The following PIEZO2 variants were observed in gnomAD, a reference collection of about 807,000 sequenced individuals.
The protein encoded by PIEZO2 is piezo-type mechanosensitive ion channel component 2.
A neutral mutation model predicts 337.3 loss-of-function variants in PIEZO2; 172 were observed. That is an observed-to-expected ratio of 0.51 (90% CI 0.45 to 0.58). PIEZO2 has a LOEUF of 0.58. Among genes scored for constraint, PIEZO2 ranks in the 20% least tolerant of loss-of-function variants. PIEZO2 has a pLI of 0.00. For synonymous variants in PIEZO2, 1,251 were observed against 1,228.5 expected, an observed-to-expected ratio of 1.02 and a Z score of -0.38; for missense variants, 3,028 against 3,391.3, an observed-to-expected ratio of 0.89 and a Z score of 2.66.
At position 10,771,657 on chromosome 18, in the gene PIEZO2, G is replaced by A. The variant is rs138481403; in HGVS notation, c.2786-1349C>T. ...TTACAGTAGTTCTCTTTTATCCATG[G>A]CTATGCTTCCCAAGATTTCAGTTAC... is the stretch of plus-strand genomic sequence containing the variant. On this transcript the variant is annotated intron_variant, in intron 20 of 55. Coordinates refer to ENST00000674853, the MANE Select transcript of PIEZO2 (RefSeq NM_001378183.1). Among the ~76,000 whole-genome samples, 597 of 152,284 alleles carry A rather than the reference G, an allele frequency of 3.9e-3. 3 individuals carry two copies. Among genetic ancestry groups the A allele is most frequent in the Admixed American group, 7.3e-3 (111 of 15,294 alleles).
rs2033747234 is a variant in PIEZO2, at chr18:10,671,029, C to G, written c.*498G>C. 1 of 153,032 alleles carries G rather than the reference C, an allele frequency of 6.5e-6. No homozygotes were observed. Among genetic ancestry groups the G allele is most frequent in the Non-Finnish European group, 1.5e-5 (1 of 68,402 alleles). The allele number at this position is 153,032 out of a possible 1,614,324, so 9.5% of individuals were successfully genotyped here. A position where few individuals can be genotyped will look rare whatever the true frequency, so the allele number is the denominator to read the frequency against. The stretch of plus-strand genomic sequence containing the variant: ...GTTCCCTCTCTTTTGCTCCTAGAAA[C>G]ACAGGTAGGAGCTGTCTGCCCCCTA... On this transcript the variant is annotated 3_prime_UTR_variant, in exon 56 of 56. Coordinates refer to ENST00000674853, the MANE Select transcript of PIEZO2 (RefSeq NM_001378183.1).
At chr18:10,674,737 A>T (rs1567934626) in intron 54 of PIEZO2, among the ~76,000 whole-genome samples, 1 of 152,278 alleles carries the variant, frequency 6.6e-6, no homozygotes, top group East Asian at 1.9e-4. Context: ...TAGAATCCAG[A>T]AACATGAATT....
In PIEZO2 at chr18:10,886,487, C is replaced by CATATATATATATAATGTGTAT; in HGVS notation, c.330-15073_330-15072insATACACATTATATATATATAT. ...TTTGGGTGGGGACAAATATCCAAAC[C>CATATATATATATAATGTGTAT]ATATATATATACGCATATACACATT... On this transcript the variant is annotated intron_variant, in intron 4 of 55. Coordinates refer to ENST00000674853, the MANE Select transcript of PIEZO2 (RefSeq NM_001378183.1). Among the ~76,000 whole-genome samples the CATATATATATATAATGTGTAT allele has an allele frequency of 4.1e-4, 19 of 45,882 alleles. 1 individual carries two copies. Among genetic ancestry groups the CATATATATATATAATGTGTAT allele is most frequent in the African/African-American group, 2.5e-3 (17 of 6,938 alleles). The allele number at this position is 45,882 out of a possible 152,430, so 30.1% of individuals were successfully genotyped here. A position where few individuals can be genotyped will look rare whatever the true frequency, so the allele number is the denominator to read the frequency against.
intron 1 of PIEZO2, among the ~76,000 whole-genome samples, chr18:11,106,513 TCCTCCCG>T (rs1351883712): frequency 6.6e-6 from 1 of 150,676 alleles, no homozygotes; most frequent in Non-Finnish European, 1.5e-5. Context: ...GCTCGGGTGA[TCCTCCCG>T]CCTCAGCCTC....
Position 10,979,871 on chromosome 18 carries a change from T to G in PIEZO2, c.161-211A>C, listed in dbSNP as rs1026913624. On this transcript the variant is annotated intron_variant, in intron 2 of 55. Transcript: ENST00000674853. The surrounding 1 kb of genome is among the most constrained non-coding windows in gnomAD (Gnocchi z 4.0). ...TATTTGGGTTTATATTTATTAAAAA[T>G]TCACTGTAAAAGAAGGATAATTTCC... Among the ~76,000 whole-genome samples, 1 of 152,298 alleles carries G rather than the reference T, an allele frequency of 6.6e-6. No individual in the cohort carries two copies. Among genetic ancestry groups the G allele is most frequent in the South Asian group, 2.1e-4 (1 of 4,820 alleles).
intron 3 of PIEZO2, among the ~76,000 whole-genome samples, chr18:10,923,804 A>C (rs2031563704): frequency 8.3e-6 from 1 of 120,546 alleles, no homozygotes; most frequent in South Asian, 3.5e-4. Context: ...CAATGATTCA[A>C]CTCTTGCAGC....
rs2040602318 is a variant in PIEZO2, at chr18:10,824,203, T to C, written c.918-16929A>G. ...TAAACCACAGACTACTCTAGAAATC[T>C]GGGGCTAGGGAATAATTTACGAGAG... On this transcript the variant is annotated intron_variant, in intron 7 of 55. Coordinates refer to ENST00000674853, the MANE Select transcript of PIEZO2 (RefSeq NM_001378183.1). This position sits in a 1 kb window ranked among gnomAD's most constrained non-coding sequence, Gnocchi z 4.4. Among the ~76,000 whole-genome samples the C allele has an allele frequency of 1.3e-5, 2 of 152,182 alleles. No homozygotes were observed. Among genetic ancestry groups the C allele is most frequent in the Admixed American group, 1.3e-4 (2 of 15,264 alleles).
At chr18:11,005,872 C>G (rs1283430674) in intron 2 of PIEZO2, among the ~76,000 whole-genome samples, 1 of 152,232 alleles carries the variant, frequency 6.6e-6, no homozygotes, top group Non-Finnish European at 1.5e-5. Context: ...ACGCAAAGAG[C>G]AGTGACTCAT....
chr18:10,750,571 T>C lies in PIEZO2; in HGVS notation c.4168-384A>G, dbSNP rs1210402167. On this transcript the variant is annotated intron_variant, in intron 28 of 55. Coordinates refer to ENST00000674853, the MANE Select transcript of PIEZO2 (RefSeq NM_001378183.1). The surrounding 1 kb of genome is among the most constrained non-coding windows in gnomAD (Gnocchi z 4.1). ...TTACAAGCCAGACACATATAACCTA[T>C]GCTCTTCCCTGGAGGTCATCCCAGA... Among the ~76,000 whole-genome samples, 1 of 152,208 alleles carries C rather than the reference T, an allele frequency of 6.6e-6. No individual in the cohort carries two copies. The highest frequency in any genetic ancestry group is 6.5e-5 in the Admixed American group (1 of 15,278).
intron 37 of PIEZO2, 44 bp from the exon 38 acceptor site, chr18:10,715,860 C>T: frequency 7.0e-7 from 1 of 1,425,034 alleles, no homozygotes; most frequent in Non-Finnish European, 9.4e-7. Context: ...AACAAAATAC[C>T]ATTGATTTTA....
chr18:10,771,783 T>C (rs1257882062), intron 20 of PIEZO2, among the ~76,000 whole-genome samples: 2 of 152,358 alleles, frequency 1.3e-5, no homozygotes, highest in African/African-American at 4.8e-5. Flanking sequence ...TGAAATCTCA[T>C]GCTGTCCCGC....
intron 4 of PIEZO2, among the ~76,000 whole-genome samples, chr18:10,906,162 A>G (rs937200403): frequency 1.1e-4 from 16 of 152,180 alleles, no homozygotes; most frequent in East Asian, 3.9e-4. Context: ...TTGTTATCTC[A>G]TTGCAGAAGG....
In PIEZO2 at chr18:10,670,940, A is replaced by G. The variant is rs1020705298; in HGVS notation, c.*587T>C. The G allele has an allele frequency of 6.6e-6, 1 of 152,312 alleles. No homozygotes were observed. Among genetic ancestry groups the G allele is most frequent in the East Asian group, 1.9e-4 (1 of 5,186 alleles). The allele number at this position is 152,312 out of a possible 1,614,324, so 9.4% of individuals were successfully genotyped here. On this transcript the variant is annotated 3_prime_UTR_variant, in exon 56 of 56. Transcript: ENST00000674853. ...GTTAAGATAAGGCAGTAAGAGTATCACTAATACTATGTTTTTGCTTAGAAT... is the reference window on the plus strand; with the variant it reads ...GTTAAGATAAGGCAGTAAGAGTATCGCTAATACTATGTTTTTGCTTAGAAT...
At position 10,856,923 on chromosome 18, in the gene PIEZO2, T is replaced by C. The variant is rs969493479; in HGVS notation, c.703+78A>G. On this transcript the variant is annotated intron_variant, in intron 6 of 55. Coordinates refer to ENST00000674853, the MANE Select transcript of PIEZO2 (RefSeq NM_001378183.1). The surrounding 1 kb of genome is among the most constrained non-coding windows in gnomAD (Gnocchi z 4.7). ...TGGAACAGACTGTTTCCTTCATTTC[T>C]TCTTCAACCATTTCTCTCATTCACC... 1.5e-6 allele frequency: 2 copies of C among 1,311,644 alleles called. No individual in the cohort carries two copies. Among genetic ancestry groups the C allele is most frequent in the Non-Finnish European group, 2.1e-6 (2 of 947,760 alleles). 81.3% of individuals were successfully genotyped at this position (1,311,644 alleles called of 1,614,324 possible). A position where few individuals can be genotyped will look rare whatever the true frequency, so the allele number is the denominator to read the frequency against.
chr18:10,736,781 G>T (rs143849499), intron 33 of PIEZO2, 71 bp from the exon 34 acceptor site: 185 of 1,456,822 alleles, frequency 1.3e-4, no homozygotes, highest in Non-Finnish European at 1.5e-4. Context: ...TTAATGAAAT[G>T]TCCCCTAAAG....
chr18:10,759,638 C>T lies in PIEZO2; in HGVS notation c.3656-55G>A, dbSNP rs1438760324. ...ATCAATACTCTTCTTCACCACTCTT[C>T]TCCCAGCCGTCCGCTCAGTAATGGC... On this transcript the variant is annotated intron_variant, in intron 25 of 55. Transcript: ENST00000674853. The surrounding 1 kb of genome is among the most constrained non-coding windows in gnomAD (Gnocchi z 5.5). 20 of 1,535,320 alleles carry T rather than the reference C, an allele frequency of 1.3e-5. No homozygotes were observed. In the East Asian group the frequency reaches 4.4e-4, roughly 34 times the overall value.
At chr18:10,718,846 T>G (rs2036123288) in intron 36 of PIEZO2, among the ~76,000 whole-genome samples, 1 of 151,814 alleles carries the variant, frequency 6.6e-6, no homozygotes, top group Admixed American at 6.6e-5. Context: ...AATCAAAATA[T>G]TAGCTGGGTG....
At chr18:10,774,400 T>C (rs1015620893) in intron 18 of PIEZO2, among the ~76,000 whole-genome samples, 9 of 152,188 alleles carry the variant, frequency 5.9e-5, no homozygotes. Context: ...TGAAAGAATG[T>C]GTGCTTTCAG....
intron 3 of PIEZO2, among the ~76,000 whole-genome samples, chr18:10,924,322 T>C (rs555675485): frequency 5.3e-4 from 80 of 152,290 alleles, no homozygotes; most frequent in Non-Finnish European, 9.3e-4. Context: ...TTGCCAAAAT[T>C]CCCCTGAAAT....
Sources: gnomAD v4.1 joint callset for allele counts (sites outside exome capture counted in the v4.1 genomes callset) on GRCh38, gnomAD v4.1.1 for gene constraint, Gnocchi (gnomAD v3.1) non-coding constraint, MANE v1.5 for transcripts, NCBI Gene and HGNC (gene_info 2026-07-23, HGNC 2026-07-21) for gene names.